PACS2: variants seen among roughly 807,000 people sequenced by gnomAD.
PACS2 encodes phosphofurin acidic cluster sorting protein 2, also known as PACS1-like protein.
Under a neutral mutation model 113.0 loss-of-function variants are expected in PACS2, and 36 were observed. That is an observed-to-expected ratio of 0.32 (90% CI 0.24 to 0.42). The LOEUF is 0.42. Ranked by LOEUF, PACS2 falls within the 10% of genes least tolerant of loss-of-function variation. PACS2 has a pLI of 1.00. For missense variants in PACS2, 1,015 were observed against 1,239.5 expected (o/e 0.82, Z 2.72); for synonymous variants, 589 against 536.1 (o/e 1.10, Z -1.36).
At chr14:105,382,758 G>A in intron 14 of PACS2, 49 bp from the exon 15 acceptor site, 1 of 1,219,572 alleles carries the variant, frequency 8.2e-7, no homozygotes, top group Non-Finnish European at 1.2e-6. Flanking sequence ...GGTGCTGGGG[G>A]TGGCCTGGGC....
chr14:105,391,512 T>TGGCCCCC, intron 21 of PACS2, 119 bp from the exon 22 acceptor site: 3 of 611,294 alleles, frequency 4.9e-6, no homozygotes, highest in Non-Finnish European at 5.8e-6. Context: ...CACTGGGGAC[T>TGGCCCCC]CCCACCCTGC....
intron 4 of PACS2, among the ~76,000 whole-genome samples, chr14:105,360,077 T>C (rs1415734748): frequency 2.6e-5 from 4 of 152,204 alleles, no homozygotes; most frequent in East Asian, 1.9e-4. Context: ...CTTGAAGATA[T>C]TGTGTGTTCA....
At chr14:105,350,165 C>T (rs782211845) in intron 2 of PACS2, among the ~76,000 whole-genome samples, 12 of 152,216 alleles carry the variant, frequency 7.9e-5, no homozygotes, top group South Asian at 2.1e-4. Context: ...GGCTGCGGGT[C>T]GTCCCTGGGG....
intron 8 of PACS2, chr14:105,370,166 T>C (rs1382343689): frequency 2.6e-6 from 1 of 391,846 alleles, no homozygotes; most frequent in African/African-American, 2.1e-5. Context: ...TAACCATTAG[T>C]TTGTGTGTTT....
intron 19 of PACS2, chr14:105,389,628 C>T (rs1347841346): frequency 5.6e-6 from 2 of 358,202 alleles, no homozygotes; most frequent in South Asian, 3.4e-5. Flanking sequence ...GCTGTGTGGG[C>T]GTCGGGCACC....
At chr14:105,312,100 G>A (rs111891784), upstream of PACS2, among the ~76,000 whole-genome samples, 1,064 of 152,338 alleles carry the variant, frequency 7.0e-3, 13 homozygotes, top group African/African-American at 0.024. Flanking sequence ...CTGTGTGTCT[G>A]TGTCATCTTA....
rs587617734 is a variant in PACS2 at position 105,390,452 on chromosome 14, C to T, written c.2076+449C>T. 2.8e-3 allele frequency: 524 copies of T among 186,716 alleles called. 1 individual carries two copies. The highest frequency in any genetic ancestry group is 4.3e-3 in the Non-Finnish European group (376 of 87,910). 11.6% of individuals were successfully genotyped at this position (186,716 alleles called of 1,614,324 possible). ...CTGCCCAGGGTTAGGGCTGCTTCTG[C>T]CAGCCAGGCCATCTCCCTGCCAGCC... On this transcript the variant is annotated intron_variant, in intron 20 of 24. Transcript: ENST00000447393.
intron 4 of PACS2, among the ~76,000 whole-genome samples, chr14:105,362,660 G>A (rs2060771972): frequency 6.6e-6 from 1 of 151,934 alleles, no homozygotes; most frequent in Admixed American, 6.6e-5. Flanking sequence ...AGACCAGCCT[G>A]ACCAACATGT....
rs2060527808 is a variant in PACS2 at position 105,358,165 on chromosome 14, G to A, written c.423+2988G>A. On this transcript the variant is annotated intron_variant, in intron 4 of 24. Coordinates refer to ENST00000447393, the MANE Select transcript of PACS2 (RefSeq NM_001100913.3). This position sits in a 1 kb window ranked among gnomAD's most constrained non-coding sequence, Gnocchi z 4.9. ...TGTGTGAGCTGAGGCCCAGAGCCCT[G>A]GACTTACTCTGAGGCTGAGGAAGTG... Among the ~76,000 whole-genome samples the A allele has an allele frequency of 1.3e-5, 2 of 152,226 alleles. No individual in the cohort carries two copies. Among genetic ancestry groups the A allele is most frequent in the Non-Finnish European group, 2.9e-5 (2 of 68,028 alleles).
intron 19 of PACS2, chr14:105,389,535 C>T: frequency 5.1e-6 from 1 of 196,272 alleles, no homozygotes; most frequent in Non-Finnish European, 1.1e-5. Flanking sequence ...TCCCAGGGCA[C>T]TGGCAGCTGC....
intron 1 of PACS2, among the ~76,000 whole-genome samples, chr14:105,341,550 CTTTGTTA>C (rs1215753375): frequency 1.3e-5 from 2 of 152,200 alleles, no homozygotes; most frequent in African/African-American, 2.4e-5. Flanking sequence ...TTTCTGGTGT[CTTTGTTA>C]TGATTCTCTC....
rs144926027 is a variant in PACS2, at chr14:105,368,527, G to A, written c.729G>A (p.Thr243=). 1.9e-4 allele frequency: 311 copies of A among 1,613,522 alleles called. 2 individuals carry two copies. The Middle Eastern group carries it at 3.6e-3, about 19-fold the overall frequency. The change falls in exon 7 of 25, where the codon ACG becomes ACA. Residue 243 remains threonine, a synonymous_variant. Transcript: ENST00000447393. ...AGCGGAGATCGATTGTAAGAACGAC[G>A]TCCATGACCAGGGTTGGTGGAGACT... ...KKQRRSIVRT[T]SMTRQQNFKQ... is the part of the protein sequence containing the mutation.
chr14:105,393,108 G>T, intron 23 of PACS2, 114 bp from the exon 24 acceptor site: 1 of 818,692 alleles, frequency 1.2e-6, no homozygotes. Flanking sequence ...TTTCCTAGGT[G>T]AGCAGTGCCA....
chr14:105,326,481 C>G (rs2059113185), intron 1 of PACS2, among the ~76,000 whole-genome samples: 1 of 152,258 alleles, frequency 6.6e-6, no homozygotes, highest in Non-Finnish European at 1.5e-5. Flanking sequence ...CTGAATTGGG[C>G]TGTTCGTTCC....
rs118041939 is a variant in PACS2 at position 105,366,972 on chromosome 14, C to T, written c.424-241C>T. Among the ~76,000 whole-genome samples the T allele has an allele frequency of 6.6e-6, 1 of 152,290 alleles. No homozygotes were observed. Among genetic ancestry groups the T allele is most frequent in the East Asian group, 1.9e-4 (1 of 5,190 alleles). The stretch of plus-strand genomic sequence containing the variant: ...TCTGCTTATGGCCCGTTCGTGAAAG[C>T]TCCCACGTGTTCCTCTCGTCTGTCC... On this transcript the variant is annotated intron_variant, in intron 4 of 24. Coordinates refer to ENST00000447393, the MANE Select transcript of PACS2 (RefSeq NM_001100913.3). This position sits in a 1 kb window ranked among gnomAD's most constrained non-coding sequence, Gnocchi z 4.3.
Position 105,392,732 on chromosome 14 carries a change from C to T in PACS2, c.2369C>T (p.Thr790Met), listed in dbSNP as rs782254328. The T allele has an allele frequency of 5.6e-6, 9 of 1,612,808 alleles. No homozygotes were observed. Among genetic ancestry groups the T allele is most frequent in the African/African-American group, 2.7e-5 (2 of 74,936 alleles). ...AAGGACCTGCCTGTCACCAAAAACA[C>T]GCTCAAGTGCACTTTCCGGTCCCTC... The part of the protein sequence containing the change: ...EKKDLPVTKN[T>M]LKCTFRSLQV... The change falls in exon 23 of 25, where the codon ACG (threonine) becomes ATG (methionine). Residue 790 changes from threonine to methionine, a missense_variant. Transcript: ENST00000447393.
intron 9 of PACS2, among the ~76,000 whole-genome samples, chr14:105,378,442 C>G (rs1555411031): frequency 6.6e-6 from 1 of 152,208 alleles, no homozygotes; most frequent in East Asian, 1.9e-4. Context: ...TAAGGCCTTG[C>G]TCTGTCAGCC....
At chr14:105,390,059 T>A (rs2081305299) in intron 20 of PACS2, 56 bp downstream of exon 20, 2 of 1,469,744 alleles carry the variant, frequency 1.4e-6, no homozygotes, top group Non-Finnish European at 1.9e-6. Context: ...AACTTGTCGT[T>A]TACAGTCAGA....
At chr14:105,388,010 G>C (rs782693814) in intron 19 of PACS2, among the ~76,000 whole-genome samples, 13 of 152,272 alleles carry the variant, frequency 8.5e-5, no homozygotes, top group Non-Finnish European at 1.6e-4. Context: ...GGGTGCTGGG[G>C]GGCCAGGAGG....
Sources: allele counts gnomAD v4.1 joint callset (sites outside exome capture counted in the v4.1 genomes callset), GRCh38; gene constraint gnomAD v4.1.1; non-coding constraint Gnocchi (gnomAD v3.1); transcripts MANE v1.5; gene names NCBI Gene and HGNC (gene_info 2026-07-23, HGNC 2026-07-21).